Variants in CRYBB1 observed in about 807,000 individuals in gnomAD.
CRYBB1 encodes beta-crystallin B1.
CRYBB1 carries 16 observed loss-of-function variants against 29.5 expected under a neutral mutation model. The observed-to-expected ratio is 0.54, with a 90% confidence interval of 0.37 to 0.82. The LOEUF (loss-of-function observed/expected upper bound fraction) is 0.82, where lower values mean the gene tolerates loss of function less well. Among genes scored for constraint, CRYBB1 ranks in the 40% least tolerant of loss-of-function variants. The pLI is 0.00. For synonymous variants in CRYBB1, 127 were observed against 136.7 expected, an observed-to-expected ratio of 0.93 and a Z score of 0.49; for missense variants, 300 against 350.5, an observed-to-expected ratio of 0.86 and a Z score of 1.15.
At chr22:26,614,263 T>G (rs1452759436) in intron 2 of CRYBB1, among the ~76,000 whole-genome samples, 1 of 152,184 alleles carries the variant, frequency 6.6e-6, no homozygotes, top group African/African-American at 2.4e-5. Flanking sequence ...CCTCCCCTTT[T>G]GAAACTCCCT....
At chr22:26,616,021 G>T in intron 2 of CRYBB1, 119 bp downstream of exon 2, 1 of 814,724 alleles carries the variant, frequency 1.2e-6, no homozygotes, top group Non-Finnish European at 2.1e-6. Flanking sequence ...AGAAAAAGGA[G>T]GAGAAAGAGG....
At chr22:26,611,464 TTTTTG>T (rs1274747515) in intron 3 of CRYBB1, among the ~76,000 whole-genome samples, 179 of 136,582 alleles carry the variant, frequency 1.3e-3, no homozygotes, top group African/African-American at 4.3e-3. Context: ...GTTTTTTTTT[TTTTTG>T]TTTTTTTTTT....
intron 4 of CRYBB1, among the ~76,000 whole-genome samples, chr22:26,602,429 ATTTTTT>A (rs977349343): frequency 6.7e-6 from 1 of 149,754 alleles, no homozygotes; most frequent in Admixed American, 6.7e-5. Flanking sequence ...CAAAAAAATA[ATTTTTT>A]TTTTAATTTG....
Position 26,616,511 on chromosome 22 carries a change from C to T in CRYBB1, c.-19-173G>A, listed in dbSNP as rs369426702. Among the ~76,000 whole-genome samples the T allele has an allele frequency of 2.0e-5, 3 of 152,192 alleles. No homozygotes were observed. In the East Asian group the frequency reaches 5.8e-4, roughly 29 times the overall value. ...CCCTACTTCCCAGCCAAGACCTTCC[C>T]GTCTGGGGGCCACTCATCCCACATA... On this transcript the variant is annotated intron_variant, in intron 1 of 5. Transcript: ENST00000647684.
chr22:26,605,930 G>A (rs1250323629), intron 4 of CRYBB1, among the ~76,000 whole-genome samples: 2 of 152,096 alleles, frequency 1.3e-5, no homozygotes, highest in East Asian at 1.9e-4. Flanking sequence ...TTTAACCTGC[G>A]GCCTGCAGGC....
chr22:26,611,435 C>T (rs893745636), intron 3 of CRYBB1, among the ~76,000 whole-genome samples: 4 of 151,126 alleles, frequency 2.6e-5, no homozygotes, highest in South Asian at 2.1e-4. Flanking sequence ...TCTCAGCCCT[C>T]GGTAATGGGC....
At chr22:26,606,952 A>T (rs1333524543) in intron 4 of CRYBB1, among the ~76,000 whole-genome samples, 1 of 152,016 alleles carries the variant, frequency 6.6e-6, no homozygotes, top group Non-Finnish European at 1.5e-5. Context: ...AAATATTATA[A>T]GAAACTAATT....
chr22:26,612,182 G>A lies in CRYBB1; in HGVS notation c.189C>T (p.Val63=). 1 of 1,612,786 alleles carries A rather than the reference G, an allele frequency of 6.2e-7. No individual in the cohort carries two copies. ...ELPPGNYRLV[V]FELENFQGRR... is the part of the protein sequence containing the mutation. The stretch of plus-strand genomic sequence containing the variant: ...GGCCCTGGAAGTTTTCCAGTTCGAA[G>A]ACCACCAGCTGCAGGAGAGAAGCCC... Residue 63 remains valine, a synonymous_variant, in exon 3 of 6, where the codon GTC becomes GTT. Coordinates refer to ENST00000647684, the MANE Select transcript of CRYBB1 (RefSeq NM_001887.4).
chr22:26,615,527 T>C (rs1203781582), intron 2 of CRYBB1, among the ~76,000 whole-genome samples: 1 of 152,060 alleles, frequency 6.6e-6, no homozygotes, highest in Non-Finnish European at 1.5e-5. Context: ...CTTTTCTTTT[T>C]TTTTTTGATG....
At chr22:26,615,848 T>C (rs1929333277) in intron 2 of CRYBB1, among the ~76,000 whole-genome samples, 2 of 152,250 alleles carry the variant, frequency 1.3e-5, no homozygotes, top group South Asian at 4.1e-4. Flanking sequence ...CCCCTGGCTA[T>C]TTTATGGGCT....
chr22:26,605,671 CAAA>C (rs771110435), intron 4 of CRYBB1, among the ~76,000 whole-genome samples: 1 of 54,198 alleles, frequency 1.8e-5, no homozygotes, highest in African/African-American at 6.9e-5. Context: ...AGATGTGTCT[CAAA>C]AAAAAAAAAA....
At chr22:26,608,641 T>C (rs1929060627) in intron 3 of CRYBB1, among the ~76,000 whole-genome samples, 1 of 152,222 alleles carries the variant, frequency 6.6e-6, no homozygotes, top group African/African-American at 2.4e-5. Flanking sequence ...TCAGGGTTCT[T>C]TTAAAATGTG....
chr22:26,605,671 C>CAAAAAAA lies in CRYBB1; in HGVS notation c.432+2211_432+2217dup, dbSNP rs771110435. ...CTGGGCAACAGAGTTAGATGTGTCT[C>CAAAAAAA]AAAAAAAAAAAAAAAAAAAAAGGAA... On this transcript the variant is annotated intron_variant, in intron 4 of 5. Coordinates refer to ENST00000647684, the MANE Select transcript of CRYBB1 (RefSeq NM_001887.4). Among the ~76,000 whole-genome samples, 411 of 53,848 alleles carry CAAAAAAA rather than the reference C, an allele frequency of 7.6e-3. 6 individuals are homozygous for CAAAAAAA. Among genetic ancestry groups the CAAAAAAA allele is most frequent in the South Asian group, 0.031 (34 of 1,114 alleles). The allele number at this position is 53,848 out of a possible 152,430, so 35.3% of individuals were successfully genotyped here.
intron 2 of CRYBB1, among the ~76,000 whole-genome samples, chr22:26,613,568 T>G (rs1303281734): frequency 6.6e-6 from 1 of 152,242 alleles, no homozygotes; most frequent in Non-Finnish European, 1.5e-5. Flanking sequence ...TCATGGACAC[T>G]TATCACTTCC....
chr22:26,608,440 C>A (rs112195121), intron 3 of CRYBB1, among the ~76,000 whole-genome samples: 8 of 152,302 alleles, frequency 5.3e-5, no homozygotes, highest in African/African-American at 1.4e-4. Context: ...GTTAATGTGC[C>A]TTTAACACTT....
chr22:26,607,814 C>G, intron 4 of CRYBB1, 75 bp downstream of exon 4: 1 of 1,605,858 alleles, frequency 6.2e-7, no homozygotes, highest in Non-Finnish European at 8.5e-7. Flanking sequence ...CCTTCTTGCC[C>G]TTGTCAGATC....
intron 4 of CRYBB1, among the ~76,000 whole-genome samples, chr22:26,607,015 T>A (rs1033787425): frequency 7.1e-6 from 1 of 141,042 alleles, no homozygotes; most frequent in African/African-American, 2.6e-5. Flanking sequence ...ACAGTATCCC[T>A]CTCCTTTTTT....
intron 3 of CRYBB1, among the ~76,000 whole-genome samples, chr22:26,611,434 T>A (rs570624307): frequency 2.0e-5 from 3 of 151,224 alleles, no homozygotes; most frequent in Non-Finnish European, 2.9e-5. Flanking sequence ...CTCTCAGCCC[T>A]CGGTAATGGG....
intron 5 of CRYBB1, 111 bp from the exon 6 acceptor site, chr22:26,599,784 C>G (rs1431196291): frequency 1.2e-6 from 1 of 843,896 alleles, no homozygotes; most frequent in Non-Finnish European, 2.0e-6. Flanking sequence ...CGGCTGCTCT[C>G]TCACTTCTGT....
Sources: gnomAD v4.1 joint callset for allele counts (sites outside exome capture counted in the v4.1 genomes callset) on GRCh38, gnomAD v4.1.1 for gene constraint, MANE v1.5 for transcripts, NCBI Gene and HGNC (gene_info 2026-07-23, HGNC 2026-07-21) for gene names.